The following PPP2R2A variants were observed in gnomAD, a reference collection of about 807,000 sequenced individuals.
The protein encoded by PPP2R2A is serine/threonine-protein phosphatase 2A 55 kDa regulatory subunit B alpha isoform.
Under a neutral mutation model 53.2 loss-of-function variants are expected in PPP2R2A, and 9 were observed. The ratio of observed to expected loss-of-function variants is 0.17; its 90% CI spans 0.10 to 0.30. The LOEUF is 0.30. Among genes scored for constraint, PPP2R2A ranks in the 10% least tolerant of loss-of-function variants. The pLI, the probability that PPP2R2A is intolerant of heterozygous loss-of-function variation, is 1.00. For synonymous variants in PPP2R2A, 169 were observed against 174.2 expected (o/e 0.97, Z 0.23); for missense variants, 235 against 534.6 (o/e 0.44, Z 5.53).
intron 2 of PPP2R2A, among the ~76,000 whole-genome samples, chr8:26,317,976 A>G (rs1352407668): frequency 6.6e-6 from 1 of 152,186 alleles, no homozygotes; most frequent in Non-Finnish European, 1.5e-5. Context: ...CCTTTTAATG[A>G]TGTGACAGAA....
intron 2 of PPP2R2A, among the ~76,000 whole-genome samples, chr8:26,299,767 G>A (rs1369448274): frequency 1.3e-5 from 2 of 149,960 alleles, no homozygotes; most frequent in East Asian, 1.9e-4. Context: ...TGCCCAGGCC[G>A]TCTTCTGTGT....
At chr8:26,302,889 A>G (rs543735181) in intron 2 of PPP2R2A, among the ~76,000 whole-genome samples, 7 of 152,334 alleles carry the variant, frequency 4.6e-5, no homozygotes, top group Admixed American at 3.3e-4. Flanking sequence ...CTATTTTACA[A>G]TGAAGAAATA....
chr8:26,321,618 G>A lies in PPP2R2A; in HGVS notation c.83-17272G>A, dbSNP rs1802845534. 6.6e-6 allele frequency among the ~76,000 whole-genome samples: 1 copy of A among 152,212 alleles called. No individual in the cohort carries two copies. The highest frequency in any genetic ancestry group is 6.5e-5 in the Admixed American group (1 of 15,282). ...GTGTGGTTCCCTGTGGAGCTCACAT[G>A]TCAAGGATCTGTTGTCTCTGGCCAA... On this transcript the variant is annotated intron_variant, in intron 2 of 9. Transcript: ENST00000380737. The surrounding 1 kb of genome is among the most constrained non-coding windows in gnomAD (Gnocchi z 4.1).
intron 2 of PPP2R2A, among the ~76,000 whole-genome samples, chr8:26,334,854 G>A (rs188687730): frequency 2.6e-5 from 4 of 152,344 alleles, no homozygotes; most frequent in Admixed American, 6.5e-5. Context: ...ATCAGAACAT[G>A]AGAAGAATAT....
chr8:26,369,551 A>C (rs913090467), intron 9 of PPP2R2A, among the ~76,000 whole-genome samples: 3 of 152,012 alleles, frequency 2.0e-5, no homozygotes, highest in Admixed American at 6.6e-5. Flanking sequence ...CCACCACGCC[A>C]GGCTAATTTT....
chr8:26,319,927 A>G (rs899951629), intron 2 of PPP2R2A, among the ~76,000 whole-genome samples: 3 of 152,110 alleles, frequency 2.0e-5, no homozygotes, highest in African/African-American at 4.8e-5. Context: ...GCTACTGTGA[A>G]TGGAATTGTT....
rs1316386616 is a variant in PPP2R2A, at chr8:26,360,372, C to T, written c.459+91C>T. On this transcript the variant is annotated intron_variant, in intron 5 of 9. Coordinates refer to ENST00000380737, the MANE Select transcript of PPP2R2A (RefSeq NM_002717.4). This position sits in a 1 kb window ranked among gnomAD's most constrained non-coding sequence, Gnocchi z 4.5. Reference sequence around the variant, plus strand: ...AGCAGAGCTTGAATAGGAATAATTACAGTCTATCTCCCCTTTCCCAGTAAT... The same window carrying T: ...AGCAGAGCTTGAATAGGAATAATTATAGTCTATCTCCCCTTTCCCAGTAAT... 1 of 678,140 alleles carries T rather than the reference C, an allele frequency of 1.5e-6. No individual in the cohort carries two copies. Among genetic ancestry groups the T allele is most frequent in the Admixed American group, 2.7e-5 (1 of 36,776 alleles). The allele number at this position is 678,140 out of a possible 1,614,324, so 42.0% of individuals were successfully genotyped here. A position where few individuals can be genotyped will look rare whatever the true frequency, so the allele number is the denominator to read the frequency against.
At chr8:26,344,966 A>C (rs7816609) in intron 3 of PPP2R2A, among the ~76,000 whole-genome samples, 106,414 of 152,048 alleles carry the variant, frequency 0.7, 37,897 homozygotes, top group East Asian at 0.88. Flanking sequence ...AACACAAATT[A>C]AATTGTTTCA....
chr8:26,328,081 C>G (rs1317719491), intron 2 of PPP2R2A, among the ~76,000 whole-genome samples: 1 of 152,160 alleles, frequency 6.6e-6, no homozygotes, highest in East Asian at 1.9e-4. Flanking sequence ...ATGCAAGATG[C>G]AGGCATATGT....
At chr8:26,365,788 T>C (rs568095906) in intron 8 of PPP2R2A, 1 of 152,390 alleles carries the variant, frequency 6.6e-6, no homozygotes, top group Non-Finnish European at 1.5e-5. Context: ...TAATAATATA[T>C]GCCCAGAATA....
chr8:26,363,459 A>G (rs1357807382), intron 7 of PPP2R2A: 1 of 290,412 alleles, frequency 3.4e-6, no homozygotes, highest in Non-Finnish European at 6.4e-6. Context: ...CACTGAAGTC[A>G]GAAGTCCCAG....
rs1292610388 is a variant in PPP2R2A, at chr8:26,291,739, C to T, written c.-81C>T. On this transcript the variant is annotated 5_prime_UTR_variant, in exon 1 of 10. Coordinates refer to ENST00000380737, the MANE Select transcript of PPP2R2A (RefSeq NM_002717.4). Reference sequence around the variant, plus strand: ...TCCGCCGCCATCCGCCCTCTCTACCCCCCCATCCCCAGGTGAGGGGGGTGA... The same window carrying T: ...TCCGCCGCCATCCGCCCTCTCTACCTCCCCATCCCCAGGTGAGGGGGGTGA... 3 of 1,515,894 alleles carry T rather than the reference C, an allele frequency of 2.0e-6. No homozygotes were observed. The highest frequency in any genetic ancestry group is 1.9e-5 in the Admixed American group (1 of 53,840). 93.9% of individuals were successfully genotyped at this position (1,515,894 alleles called of 1,614,324 possible). A position where few individuals can be genotyped will look rare whatever the true frequency, so the allele number is the denominator to read the frequency against.
intron 2 of PPP2R2A, among the ~76,000 whole-genome samples, chr8:26,329,619 A>G (rs1196742305): frequency 6.6e-6 from 1 of 152,232 alleles, no homozygotes; most frequent in Non-Finnish European, 1.5e-5. Context: ...GGCAGTTAGC[A>G]GGACAGTTTT....
chr8:26,296,281 A>G (rs1801537715), intron 2 of PPP2R2A, among the ~76,000 whole-genome samples: 1 of 152,220 alleles, frequency 6.6e-6, no homozygotes, highest in Non-Finnish European at 1.5e-5. Flanking sequence ...TTAAGTTCAA[A>G]CATCTCAGTC....
intron 6 of PPP2R2A, 75 bp downstream of exon 6, chr8:26,361,226 T>C: frequency 7.1e-7 from 1 of 1,416,768 alleles, no homozygotes; most frequent in East Asian, 2.4e-5. Flanking sequence ...TCATCTCTCC[T>C]AATGAATTTG....
chr8:26,363,996 C>G, intron 8 of PPP2R2A, 106 bp downstream of exon 8: 1 of 1,023,714 alleles, frequency 9.8e-7, no homozygotes, highest in Non-Finnish European at 1.3e-6. Context: ...TGTTTGTTCA[C>G]CATTAGGCCT....
At position 26,360,432 on chromosome 8, in the gene PPP2R2A, A is replaced by G; in HGVS notation, c.459+151A>G. ...AGGTAGGACATTGAGTAACTCATTT[A>G]AACATAGAAACTGACCTACATAGAG... On this transcript the variant is annotated intron_variant, in intron 5 of 9. Coordinates refer to ENST00000380737, the MANE Select transcript of PPP2R2A (RefSeq NM_002717.4). This position sits in a 1 kb window ranked among gnomAD's most constrained non-coding sequence, Gnocchi z 4.5. The G allele has an allele frequency of 2.0e-6, 1 of 505,032 alleles. No homozygotes were observed. Among genetic ancestry groups the G allele is most frequent in the South Asian group, 3.6e-5 (1 of 27,642 alleles). 31.3% of individuals were successfully genotyped at this position (505,032 alleles called of 1,614,324 possible).
intron 1 of PPP2R2A, chr8:26,292,428 G>T: frequency 1.0e-6 from 1 of 985,520 alleles, no homozygotes; most frequent in Non-Finnish European, 1.2e-6. Context: ...GCCGAAGAGT[G>T]CAAGGCCTTT....
At chr8:26,358,312 T>G (rs947438826) in intron 4 of PPP2R2A, among the ~76,000 whole-genome samples, 2 of 152,126 alleles carry the variant, frequency 1.3e-5, no homozygotes, top group African/African-American at 4.8e-5. Flanking sequence ...GGTGTTGTCA[T>G]CCTCATCACA....
Sources: gnomAD v4.1 joint callset for allele counts (sites outside exome capture counted in the v4.1 genomes callset) on GRCh38, gnomAD v4.1.1 for gene constraint, Gnocchi (gnomAD v3.1) non-coding constraint, MANE v1.5 for transcripts, NCBI Gene and HGNC (gene_info 2026-07-23, HGNC 2026-07-21) for gene names.